Variants in SMC6 observed in about 807,000 individuals in gnomAD.
SMC6 encodes structural maintenance of chromosomes 6.
Under a neutral mutation model 142.2 loss-of-function variants are expected in SMC6, and 79 were observed. The observed-to-expected ratio is 0.56, with a 90% CI of 0.46 to 0.67. SMC6 has a LOEUF of 0.67. Ranked by LOEUF, SMC6 falls within the 30% of genes least tolerant of loss-of-function variation. The probability of loss-of-function intolerance (pLI) is 0.00; values close to 1 mark genes in which losing one functional copy is unlikely to be tolerated. For missense variants in SMC6, 1,072 were observed against 1,284.0 expected, an observed-to-expected ratio of 0.83 and a Z score of 2.52; for synonymous variants, 411 against 412.4, an observed-to-expected ratio of 1.00 and a Z score of 0.04.
chr2:17,717,991 AT>A, intron 12 of SMC6, 85 bp downstream of exon 12: 1 of 1,367,902 alleles, frequency 7.3e-7, no homozygotes, highest in Non-Finnish European at 9.8e-7. Context: ...TTCAAAAAAA[AT>A]AAAATATAAT....
intron 2 of SMC6, among the ~76,000 whole-genome samples, chr2:17,747,598 T>C (rs1290087890): frequency 6.6e-6 from 1 of 151,202 alleles, no homozygotes; most frequent in Non-Finnish European, 1.5e-5. Context: ...CTCCACCTCC[T>C]GGGTTCAAGC....
intron 7 of SMC6, 140 bp downstream of exon 7, chr2:17,730,938 C>A: frequency 1.5e-6 from 1 of 681,546 alleles, no homozygotes; most frequent in Non-Finnish European, 2.6e-6. Flanking sequence ...TAAACAACTT[C>A]ATTGATAATA....
intron 2 of SMC6, among the ~76,000 whole-genome samples, chr2:17,751,130 T>G (rs1298294191): frequency 6.6e-6 from 1 of 151,886 alleles, no homozygotes; most frequent in East Asian, 1.9e-4. Flanking sequence ...AATGCCATTA[T>G]AAGTTCATGG....
rs1669472209 is a variant in SMC6, at chr2:17,723,475, G to A, written c.726+1782C>T. On this transcript the variant is annotated intron_variant, in intron 9 of 27. Coordinates refer to ENST00000448223, the MANE Select transcript of SMC6 (RefSeq NM_001142286.2). ...CTGGAATTCTTCCAGTTTTTTAAAA[G>A]CACACATGCTTTCTTGCCCCTGAGG... 1.3e-5 allele frequency among the ~76,000 whole-genome samples: 2 copies of A among 152,142 alleles called. 1 individual carries two copies. The highest frequency in any genetic ancestry group is 4.1e-4 in the South Asian group (2 of 4,832).
chr2:17,670,054 G>A (rs148941283), intron 26 of SMC6, among the ~76,000 whole-genome samples: 1 of 152,324 alleles, frequency 6.6e-6, no homozygotes, highest in East Asian at 1.9e-4. Context: ...GCTAGGGTGA[G>A]TCAAAGCCAG....
chr2:17,686,474 T>C (rs890088752), intron 23 of SMC6, among the ~76,000 whole-genome samples: 1 of 152,078 alleles, frequency 6.6e-6, no homozygotes, highest in African/African-American at 2.4e-5. Flanking sequence ...AGAGTGAGAC[T>C]CCGTCCCAAA....
chr2:17,740,061 T>C (rs1438529093), intron 4 of SMC6, among the ~76,000 whole-genome samples: 2 of 152,200 alleles, frequency 1.3e-5, no homozygotes, highest in Non-Finnish European at 2.9e-5. Flanking sequence ...CTGGAATGCC[T>C]GTAAAGTTCC....
chr2:17,697,176 C>T (rs904507210), intron 21 of SMC6, among the ~76,000 whole-genome samples: 3 of 151,716 alleles, frequency 2.0e-5, no homozygotes, highest in Admixed American at 6.6e-5. Flanking sequence ...AGTCTCATGG[C>T]GTCTATTCAA....
At chr2:17,750,649 T>A (rs1670978685) in intron 2 of SMC6, among the ~76,000 whole-genome samples, 1 of 151,942 alleles carries the variant, frequency 6.6e-6, no homozygotes, top group Non-Finnish European at 1.5e-5. Flanking sequence ...TCATAGAGAG[T>A]GAAATTGGCT....
intron 7 of SMC6, among the ~76,000 whole-genome samples, chr2:17,730,585 G>C (rs1669859623): frequency 6.7e-6 from 1 of 150,334 alleles, no homozygotes; most frequent in Admixed American, 6.6e-5. Context: ...TGACAGTCCT[G>C]TGTTGAATTA....
intron 12 of SMC6, among the ~76,000 whole-genome samples, chr2:17,717,827 C>A (rs1051708933): frequency 5.9e-5 from 9 of 151,840 alleles, no homozygotes; most frequent in Non-Finnish European, 1.0e-4. Flanking sequence ...ACAAGAAATA[C>A]AAAAAAATTT....
intron 11 of SMC6, among the ~76,000 whole-genome samples, chr2:17,719,064 C>T (rs183008388): frequency 5.9e-5 from 9 of 152,098 alleles, no homozygotes; most frequent in South Asian, 2.1e-4. Context: ...AGAACTATTT[C>T]GATCGGGGTC....
chr2:17,679,486 T>C (rs1002762280), intron 24 of SMC6: 9 of 152,196 alleles, frequency 5.9e-5, no homozygotes, highest in African/African-American at 2.2e-4. Flanking sequence ...GCAAACTCTA[T>C]CTTTCCTTCT....
At chr2:17,731,039 G>GGT in intron 7 of SMC6, 39 bp downstream of exon 7, 1 of 1,503,372 alleles carries the variant, frequency 6.7e-7, no homozygotes, top group Non-Finnish European at 9.2e-7. Flanking sequence ...AAAATGACAA[G>GGT]GTGTATGAAT....
intron 26 of SMC6, among the ~76,000 whole-genome samples, chr2:17,668,638 C>T (rs1444827056): frequency 6.6e-6 from 1 of 151,926 alleles, no homozygotes; most frequent in African/African-American, 2.4e-5. Context: ...AAAGGAAGTT[C>T]TGAGAAGTTC....
At chr2:17,730,335 T>C (rs1164898759) in intron 7 of SMC6, among the ~76,000 whole-genome samples, 1 of 152,052 alleles carries the variant, frequency 6.6e-6, no homozygotes, top group East Asian at 1.9e-4. Flanking sequence ...GAGAAATGCT[T>C]TATCTTTCTA....
rs566113510 is a variant in SMC6, at chr2:17,717,994, AAATAT to A, written c.1092+78_1092+82del. The A allele has an allele frequency of 3.2e-4, 436 of 1,383,472 alleles. No homozygotes were observed. In the African/African-American group the frequency reaches 5.7e-3, roughly 18 times the overall value. 85.7% of individuals were successfully genotyped at this position (1,383,472 alleles called of 1,614,324 possible). ...GAGCAAGACTATTTCAAAAAAAATA[AAATAT>A]AATAAAAAAGGATAGAAGAACAGCC... On this transcript the variant is annotated intron_variant, in intron 12 of 27. Transcript: ENST00000448223.
Position 17,732,165 on chromosome 2 carries a change from G to A in SMC6, c.345-288C>T, listed in dbSNP as rs137908352. On this transcript the variant is annotated intron_variant, in intron 5 of 27. Transcript: ENST00000448223. ...ATCTGCACAAAAACCATTAAGTTTCGGTTGTTTCAAGACATGTAGATAAGT... is the reference window on the plus strand; with the variant it reads ...ATCTGCACAAAAACCATTAAGTTTCAGTTGTTTCAAGACATGTAGATAAGT... Among the ~76,000 whole-genome samples the A allele has an allele frequency of 3.9e-4, 60 of 152,108 alleles. No individual in the cohort carries two copies. In the East Asian group the frequency reaches 9.7e-3, roughly 24 times the overall value.
rs1669924796 is a variant in SMC6, at chr2:17,731,768, G to A, written c.454C>T (p.Arg152Ter). Residue 152 changes from arginine to a stop codon, truncating the protein, a stop_gained, in exon 6 of 28, where the codon CGA (arginine) becomes TGA (stop). Coordinates refer to ENST00000448223, the MANE Select transcript of SMC6 (RefSeq NM_001142286.2). LOFTEE classifies it high-confidence loss of function. ...IQQHISIDGS[R>*]SYKLKSATGS... is the part of the protein sequence containing the mutation. The stretch of plus-strand genomic sequence containing the variant: ...GTTGCACTTTTAAGTTTATAAGATC[G>A]ACTTCCATCTATGCTGATGTGTTGC... 1 of 1,612,580 alleles carries A rather than the reference G, an allele frequency of 6.2e-7. No individual in the cohort carries two copies. The highest frequency in any genetic ancestry group is 8.5e-7 in the Non-Finnish European group (1 of 1,179,394).
Sources: allele counts gnomAD v4.1 joint callset (sites outside exome capture counted in the v4.1 genomes callset), GRCh38; gene constraint gnomAD v4.1.1; transcripts MANE v1.5; gene names NCBI Gene and HGNC (gene_info 2026-07-23, HGNC 2026-07-21).